CDH4: variants seen among roughly 807,000 people sequenced by gnomAD.
CDH4 encodes the protein cadherin-4.
A neutral mutation model predicts 86.0 loss-of-function variants in CDH4; 33 were observed. The observed-to-expected ratio is 0.38, with a 90% confidence interval of 0.29 to 0.51. The LOEUF (loss-of-function observed/expected upper bound fraction) is 0.51. Ranked by LOEUF, CDH4 falls within the 20% of genes least tolerant of loss-of-function variation. CDH4 has a pLI of 0.86. For synonymous variants in CDH4, 555 were observed against 549.4 expected (o/e 1.01, Z -0.14); for missense variants, 1,114 against 1,307.4 (o/e 0.85, Z 2.28).
rs1479677009 is a variant in CDH4, at chr20:61,663,733, G to A, written c.170-79830G>A. Among the ~76,000 whole-genome samples the A allele has an allele frequency of 1.3e-5, 2 of 151,824 alleles. No homozygotes were observed. Among genetic ancestry groups the A allele is most frequent in the African/African-American group, 4.8e-5 (2 of 41,300 alleles). On this transcript the variant is annotated intron_variant, in intron 2 of 15. Transcript: ENST00000614565. This position sits in a 1 kb window ranked among gnomAD's most constrained non-coding sequence, Gnocchi z 5.0. ...GGAAGGACGTGCAGAACCAGGCAGG[G>A]CTGACAGACGCGGGGTCGGGGGAAG...
intron 2 of CDH4, among the ~76,000 whole-genome samples, chr20:61,342,660 C>T (rs1048410181): frequency 6.6e-6 from 1 of 152,176 alleles, no homozygotes; most frequent in Non-Finnish European, 1.5e-5. Context: ...AGTCCAGTCC[C>T]GGGGGTTGGG....
At chr20:61,262,619 G>A (rs1393514263) in intron 2 of CDH4, among the ~76,000 whole-genome samples, 1 of 152,198 alleles carries the variant, frequency 6.6e-6, no homozygotes, top group South Asian at 2.1e-4. Flanking sequence ...AAGTTCAAAG[G>A]AAGTGTATTT....
intron 2 of CDH4, among the ~76,000 whole-genome samples, chr20:61,390,532 A>G (rs1326472224): frequency 2.8e-4 from 41 of 147,992 alleles, no homozygotes; most frequent in African/African-American, 9.2e-4. Context: ...GTACGGTCAT[A>G]GGGTGCCCAT....
chr20:61,752,505 A>G (rs2088511450), intron 3 of CDH4, among the ~76,000 whole-genome samples: 1 of 152,192 alleles, frequency 6.6e-6, no homozygotes. Flanking sequence ...AGTCAAATAT[A>G]CATATGCCTC....
intron 7 of CDH4, among the ~76,000 whole-genome samples, chr20:61,881,178 T>A (rs945898340): frequency 6.6e-6 from 1 of 152,192 alleles, no homozygotes; most frequent in African/African-American, 2.4e-5. Flanking sequence ...AGCTCCTCCA[T>A]CCACGGACGC....
chr20:61,309,822 GAGTT>G (rs1308079492), intron 2 of CDH4, among the ~76,000 whole-genome samples: 1 of 152,134 alleles, frequency 6.6e-6, no homozygotes, highest in Non-Finnish European at 1.5e-5. Context: ...GTTTCAGAAA[GAGTT>G]AGGACAGTTT....
intron 2 of CDH4, among the ~76,000 whole-genome samples, chr20:61,446,366 TAA>T: frequency 6.6e-6 from 1 of 152,334 alleles, no homozygotes; most frequent in East Asian, 1.9e-4. Context: ...ACTTCTCCAA[TAA>T]AAAGATTATA....
At chr20:61,567,131 G>A (rs1026461537) in intron 2 of CDH4, among the ~76,000 whole-genome samples, 6 of 152,198 alleles carry the variant, frequency 3.9e-5, no homozygotes, top group African/African-American at 1.4e-4. Flanking sequence ...ACTGTTTAGT[G>A]TATCTGTTAA....
intron 2 of CDH4, among the ~76,000 whole-genome samples, chr20:61,652,816 TTCCTTTCCCATAATGCCAAAGAAAA>T (rs1347731560): frequency 2.1e-5 from 3 of 145,924 alleles, no homozygotes; most frequent in African/African-American, 7.6e-5. Flanking sequence ...AAAATACATT[TTCCTTTCCCATAATGCCAAAGAAAA>T]ATCAAGAATT....
At chr20:61,503,195 A>T (rs1358552893) in intron 2 of CDH4, among the ~76,000 whole-genome samples, 2 of 152,192 alleles carry the variant, frequency 1.3e-5, no homozygotes, top group African/African-American at 4.8e-5. Flanking sequence ...GAAACGGGAT[A>T]TACGTGATCA....
intron 2 of CDH4, among the ~76,000 whole-genome samples, chr20:61,371,443 G>A (rs2084839737): frequency 6.6e-6 from 1 of 152,236 alleles, no homozygotes; most frequent in South Asian, 2.1e-4. Flanking sequence ...GTCAGACGCT[G>A]CGGACGTGTT....
rs982250457 is a variant in CDH4 at position 61,609,698 on chromosome 20, C to G, written c.170-133865C>G. ...CACGCTTGGTCACCTCGTGTCTTCC[C>G]TAATCCAGTGGGTGTGCATGGCCTG... On this transcript the variant is annotated intron_variant, in intron 2 of 15. Transcript: ENST00000614565. Among the ~76,000 whole-genome samples, 5 of 152,230 alleles carry G rather than the reference C, an allele frequency of 3.3e-5. No individual in the cohort carries two copies. In the East Asian group the frequency reaches 9.6e-4, roughly 29 times the overall value.
chr20:61,327,940 C>A (rs113663250), intron 2 of CDH4, among the ~76,000 whole-genome samples: 1 of 152,090 alleles, frequency 6.6e-6, no homozygotes, highest in Non-Finnish European at 1.5e-5. Flanking sequence ...TGGTCAATAA[C>A]GGATCTTAAC....
intron 2 of CDH4, among the ~76,000 whole-genome samples, chr20:61,542,825 C>G (rs1203014202): frequency 3.3e-5 from 5 of 152,204 alleles, no homozygotes; most frequent in Non-Finnish European, 5.9e-5. Flanking sequence ...AATTGACCCT[C>G]AGGATCACAA....
At chr20:61,599,716 G>T (rs2086583234) in intron 2 of CDH4, 7 of 794,372 alleles carry the variant, frequency 8.8e-6, no homozygotes, top group Non-Finnish European at 9.2e-6. Context: ...TCCTTCATCT[G>T]CCGAGGCCCC....
chr20:61,365,533 TG>T (rs951049229), intron 2 of CDH4, among the ~76,000 whole-genome samples: 1 of 151,906 alleles, frequency 6.6e-6, no homozygotes, highest in African/African-American at 2.4e-5. Context: ...TGGTTGGAGC[TG>T]GGGGGTAATG....
chr20:61,557,131 A>G (rs1006955510), intron 2 of CDH4, among the ~76,000 whole-genome samples: 1 of 152,174 alleles, frequency 6.6e-6, no homozygotes, highest in Admixed American at 6.5e-5. Flanking sequence ...AGCTAATACT[A>G]AAAAGGTCGG....
At chr20:61,617,639 C>T (rs1263830836) in intron 2 of CDH4, among the ~76,000 whole-genome samples, 2 of 152,150 alleles carry the variant, frequency 1.3e-5, no homozygotes, top group East Asian at 1.9e-4. Flanking sequence ...CAGCCTCTGA[C>T]GTGAAAAGGT....
chr20:61,566,020 C>G (rs1168574008), intron 2 of CDH4, among the ~76,000 whole-genome samples: 1 of 152,200 alleles, frequency 6.6e-6, no homozygotes, highest in African/African-American at 2.4e-5. Context: ...CGACAGTGGC[C>G]CCAGCCCTTT....
Sources: allele counts gnomAD v4.1 joint callset (sites outside exome capture counted in the v4.1 genomes callset), GRCh38; gene constraint gnomAD v4.1.1; non-coding constraint Gnocchi (gnomAD v3.1); transcripts MANE v1.5; gene names NCBI Gene and HGNC (gene_info 2026-07-23, HGNC 2026-07-21).